The following ANKRD17 variants were observed in gnomAD, a reference collection of about 807,000 sequenced individuals.
ANKRD17 encodes the protein ankyrin repeat domain-containing protein 17.
In ANKRD17, 19 loss-of-function variants were observed where a neutral mutation model predicts 229.7. That is an observed-to-expected ratio of 0.08 (90% CI 0.06 to 0.12). The LOEUF (loss-of-function observed/expected upper bound fraction) is 0.12, where lower values mean the gene tolerates loss of function less well. Among genes scored for constraint, ANKRD17 ranks in the 10% least tolerant of loss-of-function variants. The pLI is 1.00. For missense variants in ANKRD17, 2,176 were observed against 3,176.8 expected (o/e 0.68, Z 7.57); for synonymous variants, 1,112 against 1,146.1 (o/e 0.97, Z 0.60).
At chr4:73,103,634 T>C (rs553374441) in intron 24 of ANKRD17, among the ~76,000 whole-genome samples, 1 of 152,358 alleles carries the variant, frequency 6.6e-6, no homozygotes, top group Admixed American at 6.5e-5. Context: ...TTCTGAATTA[T>C]TTTATGTGTA....
intron 22 of ANKRD17, among the ~76,000 whole-genome samples, chr4:73,117,874 A>G (rs1405481867): frequency 2.0e-5 from 3 of 152,248 alleles, no homozygotes; most frequent in African/African-American, 7.2e-5. Flanking sequence ...ATGTACAGAA[A>G]GAGAAAGTTT....
chr4:73,086,426 CTCT>C (rs975692614), intron 29 of ANKRD17, among the ~76,000 whole-genome samples: 3 of 151,726 alleles, frequency 2.0e-5, no homozygotes, highest in African/African-American at 7.3e-5. Context: ...TTTACTCTTC[CTCT>C]TCTTTTTCTC....
chr4:73,106,470 A>C (rs972174449), intron 24 of ANKRD17, among the ~76,000 whole-genome samples: 23 of 152,198 alleles, frequency 1.5e-4, no homozygotes, highest in Non-Finnish European at 3.2e-4. Context: ...AACCATAGTG[A>C]AAGATGAGCC....
chr4:73,157,858 G>A (rs891546159), intron 3 of ANKRD17, among the ~76,000 whole-genome samples: 7 of 152,158 alleles, frequency 4.6e-5, no homozygotes, highest in Admixed American at 2.0e-4. Flanking sequence ...GGGAGGCCGA[G>A]GCGGGCGGAT....
intron 22 of ANKRD17, among the ~76,000 whole-genome samples, chr4:73,118,232 G>T (rs1053481354): frequency 6.6e-6 from 1 of 151,854 alleles, no homozygotes; most frequent in African/African-American, 2.4e-5. Flanking sequence ...TGCCTGCCTT[G>T]GCCTCCCAAA....
chr4:73,105,302 G>T (rs905486687), intron 24 of ANKRD17, among the ~76,000 whole-genome samples: 1 of 151,726 alleles, frequency 6.6e-6, no homozygotes, highest in South Asian at 2.1e-4. Context: ...GGAAAAAGGT[G>T]TAACTGTGTG....
chr4:73,099,340 G>A (rs1220478977), intron 25 of ANKRD17, among the ~76,000 whole-genome samples: 1 of 152,086 alleles, frequency 6.6e-6, no homozygotes, highest in Non-Finnish European at 1.5e-5. Context: ...GGCCCCATGG[G>A]CTGAGTGGGA....
intron 16 of ANKRD17, among the ~76,000 whole-genome samples, chr4:73,129,163 T>C (rs1469563851): frequency 6.6e-6 from 1 of 152,198 alleles, no homozygotes; most frequent in African/African-American, 2.4e-5. Context: ...TAAAGAAAAT[T>C]TCAGTTAGCC....
intron 24 of ANKRD17, among the ~76,000 whole-genome samples, chr4:73,104,314 A>AG (rs1021791018): frequency 1.6e-4 from 25 of 152,186 alleles, no homozygotes; most frequent in African/African-American, 6.0e-4. Flanking sequence ...GTTTGAAAGA[A>AG]GAAACTGAGC....
chr4:73,137,831 GTTT>G (rs377429600), intron 15 of ANKRD17, among the ~76,000 whole-genome samples: 232 of 152,156 alleles, frequency 1.5e-3, no homozygotes, highest in African/African-American at 5.4e-3. Context: ...ACACAGAATT[GTTT>G]TTGTTTCATG....
chr4:73,185,844 T>C (rs1736226261), intron 1 of ANKRD17, among the ~76,000 whole-genome samples: 3 of 152,050 alleles, frequency 2.0e-5, no homozygotes, highest in Admixed American at 2.0e-4. Context: ...TTTATCAATA[T>C]GAAATACATT....
intron 1 of ANKRD17, among the ~76,000 whole-genome samples, chr4:73,210,055 C>T (rs1740045200): frequency 6.6e-6 from 1 of 152,050 alleles, no homozygotes; most frequent in Admixed American, 6.6e-5. Flanking sequence ...CCATAGTCAC[C>T]AGTTCTATTT....
intron 2 of ANKRD17, among the ~76,000 whole-genome samples, chr4:73,173,908 A>C (rs1413651452): frequency 1.3e-5 from 2 of 152,068 alleles, no homozygotes; most frequent in Non-Finnish European, 2.9e-5. Flanking sequence ...AGGGTGAAAA[A>C]AGCTTCCAAC....
intron 1 of ANKRD17, among the ~76,000 whole-genome samples, chr4:73,236,230 A>G (rs1389395699): frequency 6.6e-6 from 1 of 152,078 alleles, no homozygotes; most frequent in African/African-American, 2.4e-5. Flanking sequence ...CATCATTGCC[A>G]CTGTAACCTT....
chr4:73,241,148 A>G (rs1031960960), intron 1 of ANKRD17, among the ~76,000 whole-genome samples: 1 of 152,078 alleles, frequency 6.6e-6, no homozygotes, highest in Admixed American at 6.6e-5. Context: ...TACTGAGCAG[A>G]TATTTGGTTT....
chr4:73,141,783 G>T lies in ANKRD17; in HGVS notation c.2290C>A (p.Pro764Thr). The T allele has an allele frequency of 6.2e-7, 1 of 1,613,956 alleles. No homozygotes were observed. Among genetic ancestry groups the T allele is most frequent in the Non-Finnish European group, 8.5e-7 (1 of 1,179,946 alleles). The change falls in exon 14 of 34, where the codon CCA (proline) becomes ACA (threonine). Residue 764 changes from proline (P) to threonine (T), a missense_variant. Transcript: ENST00000358602. ...MVVPPQEPDK[P>T]PANVATTLPI... is the part of the protein sequence containing the mutation. ...AGAGTGGTGGCAACATTGGCAGGTGGTTTGTCAGGCTCCTGAGGTGGAACA... is the reference window on the plus strand; with the variant it reads ...AGAGTGGTGGCAACATTGGCAGGTGTTTTGTCAGGCTCCTGAGGTGGAACA...
intron 18 of ANKRD17, among the ~76,000 whole-genome samples, chr4:73,122,622 C>G (rs555749813): frequency 8.5e-5 from 13 of 152,216 alleles, no homozygotes; most frequent in African/African-American, 2.9e-4. Flanking sequence ...AAGATCATAG[C>G]TCTTACCCCT....
chr4:73,247,029 T>A (rs1271499684), intron 1 of ANKRD17, among the ~76,000 whole-genome samples: 1 of 152,024 alleles, frequency 6.6e-6, no homozygotes, highest in Non-Finnish European at 1.5e-5. Flanking sequence ...CAAGGGAGAA[T>A]ACTGTAACAC....
intron 8 of ANKRD17, among the ~76,000 whole-genome samples, chr4:73,148,236 T>C (rs1730546838): frequency 1.3e-5 from 2 of 152,166 alleles, no homozygotes; most frequent in African/African-American, 2.4e-5. Context: ...ACTTTACTAC[T>C]GAAAGAAAAA....
Sources: gnomAD v4.1 joint callset for allele counts (sites outside exome capture counted in the v4.1 genomes callset) on GRCh38, gnomAD v4.1.1 for gene constraint, MANE v1.5 for transcripts, NCBI Gene and HGNC (gene_info 2026-07-23, HGNC 2026-07-21) for gene names.